The following HS2ST1 variants were observed in gnomAD, a reference collection of about 807,000 sequenced individuals.
HS2ST1 encodes 2-O-sulfotransferase.
In HS2ST1, 18 loss-of-function variants were observed where a neutral mutation model predicts 42.9. The ratio of observed to expected loss-of-function variants is 0.42; its 90% CI spans 0.29 to 0.62. The LOEUF (loss-of-function observed/expected upper bound fraction) is 0.62, where lower values mean the gene tolerates loss of function less well. Ranked by LOEUF, HS2ST1 falls within the 20% of genes least tolerant of loss-of-function variation. The probability of loss-of-function intolerance (pLI) is 0.21; values close to 1 mark genes in which losing one functional copy is unlikely to be tolerated. For missense variants in HS2ST1, 334 were observed against 433.8 expected (o/e 0.77, Z 2.04); for synonymous variants, 146 against 152.9 (o/e 0.95, Z 0.33).
intron 1 of HS2ST1, among the ~76,000 whole-genome samples, chr1:87,061,827 T>C (rs1056052455): frequency 2.6e-5 from 4 of 152,200 alleles, no homozygotes; most frequent in African/African-American, 9.6e-5. Flanking sequence ...TTTTTCATCA[T>C]GACTTCACCA....
intron 1 of HS2ST1, among the ~76,000 whole-genome samples, chr1:86,919,475 A>G (rs1345074581): frequency 1.3e-5 from 2 of 152,182 alleles, no homozygotes; most frequent in African/African-American, 4.8e-5. Context: ...GTATGTTTAC[A>G]GAGATTTATC....
chr1:87,001,312 T>G (rs1649278147), intron 1 of HS2ST1, among the ~76,000 whole-genome samples: 1 of 152,214 alleles, frequency 6.6e-6, no homozygotes, highest in African/African-American at 2.4e-5. Context: ...TTAAATTTTG[T>G]TAATATTATA....
intron 1 of HS2ST1, among the ~76,000 whole-genome samples, chr1:87,027,364 A>G (rs1650114625): frequency 6.6e-6 from 1 of 152,222 alleles, no homozygotes; most frequent in Admixed American, 6.5e-5. Context: ...GTGGGAAGGA[A>G]GCATACAGTG....
At chr1:86,981,305 C>T (rs943295551) in intron 1 of HS2ST1, among the ~76,000 whole-genome samples, 2 of 152,100 alleles carry the variant, frequency 1.3e-5, no homozygotes, top group African/African-American at 4.8e-5. Context: ...ATATTCCACC[C>T]CAGACCCCTC....
In HS2ST1 at chr1:87,093,756, T is replaced by C. The variant is rs1241343891; in HGVS notation, c.588+1087T>C. 1.3e-5 allele frequency among the ~76,000 whole-genome samples: 2 copies of C among 152,120 alleles called. 1 individual carries two copies. The highest frequency in any genetic ancestry group is 3.8e-4 in the East Asian group (2 of 5,204). ...AACCTAAACTATTACACAGTAGTGA[T>C]GCCAGATACTTGGTATGTTAATGAT... On this transcript the variant is annotated intron_variant, in intron 4 of 6. Transcript: ENST00000370550.
chr1:87,100,045 G>A (rs1457004265), intron 5 of HS2ST1, among the ~76,000 whole-genome samples: 2 of 152,204 alleles, frequency 1.3e-5, no homozygotes, highest in East Asian at 3.8e-4. Context: ...TTGGAATTGA[G>A]TGTACCTGTA....
intron 3 of HS2ST1, among the ~76,000 whole-genome samples, chr1:87,087,714 T>C (rs1482808448): frequency 3.3e-5 from 5 of 152,260 alleles, no homozygotes; most frequent in Admixed American, 6.5e-5. Flanking sequence ...TTCTACAACT[T>C]TTAACAAATA....
At chr1:87,006,866 T>A (rs180987523) in intron 1 of HS2ST1, among the ~76,000 whole-genome samples, 2 of 152,264 alleles carry the variant, frequency 1.3e-5, no homozygotes, top group Admixed American at 1.3e-4. Flanking sequence ...GTTAGAGCGA[T>A]AAGGACAAGT....
intron 1 of HS2ST1, among the ~76,000 whole-genome samples, chr1:87,052,867 C>T (rs1253541626): frequency 1.3e-5 from 2 of 152,182 alleles, no homozygotes; most frequent in African/African-American, 4.8e-5. Context: ...GAAATGCCCT[C>T]TAGAACACCG....
chr1:87,015,624 A>T (rs1385023403), intron 1 of HS2ST1, among the ~76,000 whole-genome samples: 2 of 151,456 alleles, frequency 1.3e-5, no homozygotes, highest in African/African-American at 4.9e-5. Flanking sequence ...GATTACAGGC[A>T]TGAGCCACTG....
intron 1 of HS2ST1, among the ~76,000 whole-genome samples, chr1:86,972,677 G>GGA (rs1268368392): frequency 2.0e-5 from 3 of 152,186 alleles, no homozygotes; most frequent in Non-Finnish European, 4.4e-5. Flanking sequence ...TGGGGATAGG[G>GGA]TGCTGGGACT....
At chr1:86,957,513 C>G (rs1647708050) in intron 1 of HS2ST1, among the ~76,000 whole-genome samples, 1 of 152,122 alleles carries the variant, frequency 6.6e-6, no homozygotes, top group Admixed American at 6.5e-5. Context: ...TTTTATTTTA[C>G]TTCTCTTTTT....
At chr1:87,054,174 T>C (rs1650902646) in intron 1 of HS2ST1, among the ~76,000 whole-genome samples, 1 of 152,174 alleles carries the variant, frequency 6.6e-6, no homozygotes, top group Non-Finnish European at 1.5e-5. Flanking sequence ...AATAGCCTAT[T>C]TTTCATTATT....
At chr1:87,090,517 G>A (rs937911334) in intron 3 of HS2ST1, among the ~76,000 whole-genome samples, 4 of 151,970 alleles carry the variant, frequency 2.6e-5, no homozygotes, top group African/African-American at 9.7e-5. Context: ...ATAGCTCTTA[G>A]GTGCAGGATG....
intron 1 of HS2ST1, among the ~76,000 whole-genome samples, chr1:87,043,172 TAGAA>T (rs1339883316): frequency 3.3e-5 from 5 of 152,092 alleles, no homozygotes; most frequent in African/African-American, 1.2e-4. Flanking sequence ...TAAATGTGAT[TAGAA>T]AGGTTCTTTG....
In HS2ST1 at chr1:87,035,070, T is replaced by G. The variant is rs75425726; in HGVS notation, c.125-37864T>G. On this transcript the variant is annotated intron_variant, in intron 1 of 6. Transcript: ENST00000370550. ...GTGCAGCTGGAGGATGGAGGCTCAG[T>G]CCATGAGCCAAGGAATGAATGCAGG... is the stretch of plus-strand genomic sequence containing the variant. Among the ~76,000 whole-genome samples the G allele has an allele frequency of 6.9e-3, 1,053 of 152,228 alleles. 7 individuals carry two copies. The highest frequency in any genetic ancestry group is 8.7e-3 in the Non-Finnish European group (591 of 67,998).
At chr1:86,983,336 G>A (rs1352208829) in intron 1 of HS2ST1, among the ~76,000 whole-genome samples, 1 of 152,116 alleles carries the variant, frequency 6.6e-6, no homozygotes, top group African/African-American at 2.4e-5. Flanking sequence ...CACATGGCGG[G>A]GGAGATCTCA....
intron 1 of HS2ST1, among the ~76,000 whole-genome samples, chr1:86,938,196 GAC>G: frequency 6.6e-6 from 1 of 152,198 alleles, no homozygotes; most frequent in South Asian, 2.1e-4. Flanking sequence ...TGTATTTAGA[GAC>G]ATCTCTTTTT....
chr1:87,072,476 A>G (rs1651435534), intron 1 of HS2ST1, among the ~76,000 whole-genome samples: 1 of 139,038 alleles, frequency 7.2e-6, no homozygotes, highest in African/African-American at 2.5e-5. Flanking sequence ...TTATACTGTG[A>G]AGTTTAGTAT....
Sources: allele counts gnomAD v4.1 joint callset (sites outside exome capture counted in the v4.1 genomes callset), GRCh38; gene constraint gnomAD v4.1.1; transcripts MANE v1.5; gene names NCBI Gene and HGNC (gene_info 2026-07-23, HGNC 2026-07-21).